ZFAND3: variants seen among roughly 807,000 people sequenced by gnomAD.
ZFAND3 encodes the protein AN1-type zinc finger protein 3.
In ZFAND3, 10 loss-of-function variants were observed where a neutral mutation model predicts 29.6. The observed-to-expected ratio is 0.34, with a 90% CI of 0.21 to 0.57. The LOEUF (loss-of-function observed/expected upper bound fraction) is 0.57. Ranked by LOEUF, ZFAND3 falls within the 20% of genes least tolerant of loss-of-function variation. The pLI, the probability that ZFAND3 is intolerant of heterozygous loss-of-function variation, is 0.86. For missense variants in ZFAND3, 230 were observed against 304.5 expected, an observed-to-expected ratio of 0.76 and a Z score of 1.82; for synonymous variants, 128 against 112.6, an observed-to-expected ratio of 1.14 and a Z score of -0.87.
intron 2 of ZFAND3, among the ~76,000 whole-genome samples, chr6:38,039,765 G>T (rs560816353): frequency 6.6e-6 from 1 of 152,062 alleles, no homozygotes; most frequent in Non-Finnish European, 1.5e-5. Context: ...GAGGAGAACC[G>T]TAGCTTTATT....
chr6:38,039,967 T>G (rs1763729309), intron 2 of ZFAND3, among the ~76,000 whole-genome samples: 1 of 152,170 alleles, frequency 6.6e-6, no homozygotes, highest in African/African-American at 2.4e-5. Context: ...TTATTCTTCC[T>G]CATTCTCTCA....
At chr6:38,102,281 G>A (rs746963383) in intron 4 of ZFAND3, among the ~76,000 whole-genome samples, 11 of 152,250 alleles carry the variant, frequency 7.2e-5, no homozygotes, top group East Asian at 5.8e-4. Flanking sequence ...AAACACTCAC[G>A]AGTAGGGTAC....
intron 1 of ZFAND3, among the ~76,000 whole-genome samples, chr6:37,826,579 C>T (rs1561901926): frequency 2.0e-5 from 3 of 151,988 alleles, no homozygotes; most frequent in Non-Finnish European, 2.9e-5. Flanking sequence ...CATGGTGAAA[C>T]TCCGTCTGTA....
chr6:38,093,790 C>T (rs1002089318), intron 4 of ZFAND3, among the ~76,000 whole-genome samples: 1 of 152,146 alleles, frequency 6.6e-6, no homozygotes, highest in Non-Finnish European at 1.5e-5. Flanking sequence ...AGAAATCATT[C>T]ATTATGGAGT....
At chr6:38,091,512 A>G (rs1581909688) in intron 4 of ZFAND3, among the ~76,000 whole-genome samples, 1 of 97,966 alleles carries the variant, frequency 1.0e-5, no homozygotes, top group African/African-American at 4.2e-5. Context: ...GTGGGGGTGT[A>G]TAGGTCTGGG....
intron 2 of ZFAND3, among the ~76,000 whole-genome samples, chr6:37,957,547 A>G (rs1017445558): frequency 1.3e-5 from 2 of 152,160 alleles, no homozygotes; most frequent in African/African-American, 4.8e-5. Flanking sequence ...TATATTGGTA[A>G]GCAATGCTAG....
At chr6:38,063,199 C>A (rs533274926) in intron 3 of ZFAND3, among the ~76,000 whole-genome samples, 44 of 152,212 alleles carry the variant, frequency 2.9e-4, no homozygotes, top group Admixed American at 5.2e-4. Flanking sequence ...TAGCAGAAAA[C>A]AAATATTTAT....
In ZFAND3 at chr6:38,126,242, C is replaced by T. The variant is rs143187529; in HGVS notation, c.529+9503C>T. Among the ~76,000 whole-genome samples the T allele has an allele frequency of 2.6e-5, 4 of 152,284 alleles. No individual in the cohort carries two copies. In the East Asian group the frequency reaches 7.7e-4, roughly 29 times the overall value. On this transcript the variant is annotated intron_variant, in intron 5 of 5. Transcript: ENST00000287218. ...CCATATTATATATCAGTAGTTCATT[C>T]CTCTTTAATGCTGAGTATTATTTCA...
chr6:37,992,524 G>GT (rs1385329907), intron 2 of ZFAND3, among the ~76,000 whole-genome samples: 2 of 151,840 alleles, frequency 1.3e-5, no homozygotes, highest in African/African-American at 4.8e-5. Context: ...TTCTCCCTTT[G>GT]TTTTTTTGCT....
In ZFAND3 at chr6:37,930,068, T is replaced by G. The variant is rs558326201; in HGVS notation, c.112+69T>G. Reference sequence around the variant, plus strand: ...TTCTTTTTTTTTTTTTGGTTCTTTTTAAGACTAAATCATTTGACCCTAAAG... The same window carrying G: ...TTCTTTTTTTTTTTTTGGTTCTTTTGAAGACTAAATCATTTGACCCTAAAG... On this transcript the variant is annotated intron_variant, in intron 2 of 5. Transcript: ENST00000287218. 231 of 1,425,328 alleles carry G rather than the reference T, an allele frequency of 1.6e-4. 4 individuals carry two copies. The South Asian group carries it at 3.1e-3, about 19-fold the overall frequency. 88.3% of individuals were successfully genotyped at this position (1,425,328 alleles called of 1,614,324 possible). A position where few individuals can be genotyped will look rare whatever the true frequency, so the allele number is the denominator to read the frequency against.
At chr6:37,973,836 G>A (rs981315162) in intron 2 of ZFAND3, among the ~76,000 whole-genome samples, 2 of 152,132 alleles carry the variant, frequency 1.3e-5, no homozygotes, top group Non-Finnish European at 2.9e-5. Context: ...ATTCTGAAAT[G>A]TTCTTTCTCA....
chr6:38,120,359 G>T (rs576898204), intron 5 of ZFAND3, among the ~76,000 whole-genome samples: 1 of 99,920 alleles, frequency 1.0e-5, no homozygotes, highest in Non-Finnish European at 2.0e-5. Flanking sequence ...TTGTGGAGAC[G>T]GAGTCGCCCA....
chr6:38,031,502 C>T (rs886634505), intron 2 of ZFAND3, among the ~76,000 whole-genome samples: 1 of 152,168 alleles, frequency 6.6e-6, no homozygotes, highest in Non-Finnish European at 1.5e-5. Context: ...TCATTATATA[C>T]TTGCAAGCCT....
intron 1 of ZFAND3, among the ~76,000 whole-genome samples, chr6:37,832,538 A>G (rs575615971): frequency 1.1e-4 from 16 of 152,302 alleles, no homozygotes; most frequent in African/African-American, 3.8e-4. Context: ...TGATTCAGTG[A>G]ATTTGTACTA....
At chr6:38,071,264 T>C (rs1764449708) in intron 3 of ZFAND3, among the ~76,000 whole-genome samples, 1 of 152,040 alleles carries the variant, frequency 6.6e-6, no homozygotes, top group Non-Finnish European at 1.5e-5. Context: ...TCTTCCAGTT[T>C]TCTGTCTTTC....
chr6:37,893,235 G>A (rs1765135858), intron 1 of ZFAND3, among the ~76,000 whole-genome samples: 1 of 152,126 alleles, frequency 6.6e-6, no homozygotes, highest in African/African-American at 2.4e-5. Context: ...AAAAAGAATT[G>A]TATCCCATGA....
chr6:37,957,155 C>T (rs1762098175), intron 2 of ZFAND3, among the ~76,000 whole-genome samples: 1 of 152,196 alleles, frequency 6.6e-6, no homozygotes, highest in South Asian at 2.1e-4. Context: ...GTCTTTCTGT[C>T]CATGTGTTAA....
intron 2 of ZFAND3, among the ~76,000 whole-genome samples, chr6:37,966,249 A>G (rs1762291285): frequency 6.6e-6 from 1 of 152,198 alleles, no homozygotes; most frequent in Non-Finnish European, 1.5e-5. Context: ...TTGATGACTA[A>G]AAGTCTATAC....
At chr6:38,142,232 T>TG in intron 5 of ZFAND3, 1 of 471,366 alleles carries the variant, frequency 2.1e-6, no homozygotes, top group Non-Finnish European at 4.4e-6. Flanking sequence ...TTGGGAAAGA[T>TG]GGGGAAAATG....
Sources: allele counts gnomAD v4.1 joint callset (sites outside exome capture counted in the v4.1 genomes callset), GRCh38; gene constraint gnomAD v4.1.1; transcripts MANE v1.5; gene names NCBI Gene and HGNC (gene_info 2026-07-23, HGNC 2026-07-21).